The following FCHSD2 variants were observed in gnomAD, a reference collection of about 807,000 sequenced individuals.
FCHSD2 encodes FCH and double SH3 domains 2.
FCHSD2 carries 38 observed loss-of-function variants against 108.1 expected under a neutral mutation model. That is an observed-to-expected ratio of 0.35 (90% CI 0.27 to 0.46). FCHSD2 has a LOEUF of 0.46. Among genes scored for constraint, FCHSD2 ranks in the 20% least tolerant of loss-of-function variants. The pLI, the probability that FCHSD2 is intolerant of heterozygous loss-of-function variation, is 1.00. For missense variants in FCHSD2, 751 were observed against 897.8 expected, an observed-to-expected ratio of 0.84 and a Z score of 2.09; for synonymous variants, 279 against 314.7, an observed-to-expected ratio of 0.89 and a Z score of 1.20.
At chr11:73,098,217 C>T (rs1860136062) in intron 2 of FCHSD2, among the ~76,000 whole-genome samples, 1 of 152,142 alleles carries the variant, frequency 6.6e-6, no homozygotes, top group African/African-American at 2.4e-5. Flanking sequence ...TCCCTGAATA[C>T]TAGTTTCACA....
chr11:73,108,730 G>T (rs1295237698), intron 2 of FCHSD2, among the ~76,000 whole-genome samples: 12 of 151,808 alleles, frequency 7.9e-5, no homozygotes, highest in Admixed American at 7.9e-4. Context: ...CACCGCGCCC[G>T]GCTAATTTTT....
intron 2 of FCHSD2, among the ~76,000 whole-genome samples, chr11:73,094,615 G>A (rs773000379): frequency 2.6e-5 from 4 of 152,050 alleles, no homozygotes; most frequent in Non-Finnish European, 5.9e-5. Flanking sequence ...TTTTTGCTAC[G>A]ATACTTGACC....
intron 5 of FCHSD2, among the ~76,000 whole-genome samples, chr11:72,992,394 C>T (rs191974030): frequency 7.8e-4 from 118 of 152,214 alleles, no homozygotes; most frequent in African/African-American, 2.6e-3. Context: ...ACTTTCTTCA[C>T]AGAATTGGAA....
intron 8 of FCHSD2, among the ~76,000 whole-genome samples, chr11:72,963,047 T>C (rs1353370291): frequency 1.3e-5 from 2 of 152,176 alleles, no homozygotes; most frequent in East Asian, 3.8e-4. Flanking sequence ...AAAAGAGGGA[T>C]AATAATAGCA....
chr11:73,004,556 T>C (rs1287372590), intron 4 of FCHSD2, among the ~76,000 whole-genome samples: 1 of 152,204 alleles, frequency 6.6e-6, no homozygotes, highest in Non-Finnish European at 1.5e-5. Flanking sequence ...TTTCAGTTCA[T>C]TACCCAGCTT....
In FCHSD2 at chr11:73,141,943, C is replaced by G; in HGVS notation, c.-66G>C. 1 of 1,475,334 alleles carries G rather than the reference C, an allele frequency of 6.8e-7. No individual in the cohort carries two copies. Among genetic ancestry groups the G allele is most frequent in the Non-Finnish European group, 9.1e-7 (1 of 1,093,432 alleles). 91.4% of individuals were successfully genotyped at this position (1,475,334 alleles called of 1,614,324 possible). On this transcript the variant is annotated 5_prime_UTR_variant, in exon 1 of 20. Coordinates refer to ENST00000409418, the MANE Select transcript of FCHSD2 (RefSeq NM_014824.3). ...GCAAGGACCAGGAGGAGGAGGAGGGCCGGAGAGGAGGGGACGGCCCAGCGA... is the reference window on the plus strand; with the variant it reads ...GCAAGGACCAGGAGGAGGAGGAGGGGCGGAGAGGAGGGGACGGCCCAGCGA...
At chr11:72,857,675 C>T (rs866969555) in intron 13 of FCHSD2, among the ~76,000 whole-genome samples, 2 of 151,124 alleles carry the variant, frequency 1.3e-5, no homozygotes, top group South Asian at 2.1e-4. Context: ...GTCTTGAACT[C>T]GTGACCTCAG....
intron 3 of FCHSD2, among the ~76,000 whole-genome samples, chr11:73,063,671 C>T (rs1859220232): frequency 6.6e-6 from 1 of 151,974 alleles, no homozygotes; most frequent in Non-Finnish European, 1.5e-5. Context: ...TTTAAACCAA[C>T]AAAGATTGAA....
intron 5 of FCHSD2, among the ~76,000 whole-genome samples, chr11:73,000,404 T>C (rs1286905477): frequency 1.3e-5 from 2 of 152,224 alleles, no homozygotes; most frequent in Non-Finnish European, 2.9e-5. Flanking sequence ...CAGCCAACTT[T>C]TCTAAAAAGT....
chr11:72,955,164 G>A (rs1298726510), intron 8 of FCHSD2, among the ~76,000 whole-genome samples: 1 of 152,160 alleles, frequency 6.6e-6, no homozygotes, highest in Non-Finnish European at 1.5e-5. Flanking sequence ...GAAGTCTCAG[G>A]TTGTGACCTG....
intron 3 of FCHSD2, among the ~76,000 whole-genome samples, chr11:73,054,513 C>A (rs1038178550): frequency 6.6e-5 from 10 of 151,840 alleles, no homozygotes; most frequent in African/African-American, 2.4e-4. Context: ...TAAAAAGAAT[C>A]GAAGTATAGT....
Position 72,889,930 on chromosome 11 carries a change from A to C in FCHSD2, c.940T>G (p.Ser314Ala). The C allele has an allele frequency of 6.2e-7, 1 of 1,609,944 alleles. No individual in the cohort carries two copies. The highest frequency in any genetic ancestry group is 8.5e-7 in the Non-Finnish European group (1 of 1,176,496). ...TGCTCCTCTGTGGTCCCAGTTTCTG[A>C]TTCTAACTGTCGGCTCTACAATACA... ...CDSDTSRQLE[S>A]ETGTTEEHSL... Residue 314 changes from serine (S) to alanine (A), a missense_variant, in exon 11 of 20, where the codon TCA (serine) becomes GCA (alanine). Coordinates refer to ENST00000409418, the MANE Select transcript of FCHSD2 (RefSeq NM_014824.3).
intron 2 of FCHSD2, among the ~76,000 whole-genome samples, chr11:73,089,522 C>G (rs1859902913): frequency 6.6e-6 from 1 of 152,144 alleles, no homozygotes; most frequent in South Asian, 2.1e-4. Flanking sequence ...CCAAACAGTA[C>G]AAACAACCCA....
rs1302181277 is a variant in FCHSD2, at chr11:72,882,984, T to G, written c.1146+4486A>C. Among the ~76,000 whole-genome samples the G allele has an allele frequency of 2.0e-5, 3 of 152,218 alleles. No homozygotes were observed. The East Asian group carries it at 5.8e-4, about 29-fold the overall frequency. On this transcript the variant is annotated intron_variant, in intron 12 of 19. Coordinates refer to ENST00000409418, the MANE Select transcript of FCHSD2 (RefSeq NM_014824.3). ...GTACAGACATATAGACCAATGGAAC[T>G]GAATAAAATTGAAAATATTCATACA... is the stretch of plus-strand genomic sequence containing the variant.
At chr11:72,869,450 GAGAGAGACAGAGGC>G (rs1271923763) in intron 12 of FCHSD2, 2 of 151,890 alleles carry the variant, frequency 1.3e-5, no homozygotes, top group East Asian at 1.9e-4. Flanking sequence ...AGAAGAGAGA[GAGAGAGACAGAGGC>G]AGAGAGACAG....
At chr11:73,113,286 G>A (rs775490301) in intron 2 of FCHSD2, among the ~76,000 whole-genome samples, 7 of 146,614 alleles carry the variant, frequency 4.8e-5, no homozygotes, top group East Asian at 4.0e-4. Flanking sequence ...AGGTCACATA[G>A]CTCTGTTTCT....
chr11:72,946,262 T>C (rs2135349147), intron 8 of FCHSD2, among the ~76,000 whole-genome samples: 1 of 152,152 alleles, frequency 6.6e-6, no homozygotes, highest in African/African-American at 2.4e-5. Context: ...TGGATGAAGC[T>C]GGAAACCATC....
At chr11:73,065,408 T>C (rs970855648) in intron 3 of FCHSD2, among the ~76,000 whole-genome samples, 38 of 152,286 alleles carry the variant, frequency 2.5e-4, no homozygotes, top group African/African-American at 7.7e-4. Context: ...TCATACTGAA[T>C]GGGCAAAAAC....
At chr11:72,925,601 T>C (rs181817308) in intron 8 of FCHSD2, among the ~76,000 whole-genome samples, 2 of 152,338 alleles carry the variant, frequency 1.3e-5, no homozygotes, top group African/African-American at 4.8e-5. Context: ...TGCCACGGTG[T>C]ATTTCACTTC....
Sources: allele counts gnomAD v4.1 joint callset (sites outside exome capture counted in the v4.1 genomes callset), GRCh38; gene constraint gnomAD v4.1.1; transcripts MANE v1.5; gene names NCBI Gene and HGNC (gene_info 2026-07-23, HGNC 2026-07-21).